Variants in EIF3D observed in about 807,000 individuals in gnomAD.
The protein encoded by EIF3D is eIF3 p66.
A neutral mutation model predicts 75.4 loss-of-function variants in EIF3D; 10 were observed. The observed-to-expected ratio is 0.13, with a 90% CI of 0.08 to 0.22. The LOEUF (loss-of-function observed/expected upper bound fraction) is 0.22. Among genes scored for constraint, EIF3D ranks in the 10% least tolerant of loss-of-function variants. The pLI is 1.00. For missense variants in EIF3D, 394 were observed against 708.0 expected, an observed-to-expected ratio of 0.56 and a Z score of 5.03; for synonymous variants, 246 against 248.3, an observed-to-expected ratio of 0.99 and a Z score of 0.09.
chr22:36,516,645 T>C, intron 11 of EIF3D, 38 bp from the exon 12 acceptor site: 1 of 1,613,916 alleles, frequency 6.2e-7, no homozygotes, highest in Admixed American at 1.7e-5. Context: ...CACTGGGGAT[T>C]CTATAGAGTG....
At chr22:36,525,534 A>G in intron 3 of EIF3D, 130 bp downstream of exon 3, 1 of 1,051,622 alleles carries the variant, frequency 9.5e-7, no homozygotes, top group Non-Finnish European at 1.4e-6. Flanking sequence ...CCCAGAATAC[A>G]TCCCTAAAAG....
At chr22:36,519,329 G>T in intron 8 of EIF3D, 76 bp downstream of exon 8, 1 of 1,589,830 alleles carries the variant, frequency 6.3e-7, no homozygotes. Flanking sequence ...CATGTCTTCT[G>T]TTCTTTCTGC....
chr22:36,512,956 C>T (rs1178010028), intron 12 of EIF3D: 2 of 180,258 alleles, frequency 1.1e-5, no homozygotes, highest in East Asian at 1.6e-4. Flanking sequence ...TCACAGAGGA[C>T]GTGTAACAGT....
Position 36,511,748 on chromosome 22 carries a change from T to C in EIF3D, c.1388A>G (p.His463Arg). 6.2e-7 allele frequency: 1 copy of C among 1,614,014 alleles called. No individual in the cohort carries two copies. Among genetic ancestry groups the C allele is most frequent in the Non-Finnish European group, 8.5e-7 (1 of 1,179,972 alleles). The change falls in exon 14 of 15, where the codon CAC becomes CGC. Residue 463 changes from histidine (H) to arginine (R), a missense_variant. Coordinates refer to ENST00000216190, the MANE Select transcript of EIF3D (RefSeq NM_003753.4). ...SRYHVKDSSRHVILGTQQFKP... is the reference protein window; with the variant it reads ...SRYHVKDSSRRVILGTQQFKP... ...GAACTGCTGGGTGCCTAGGATGACG[T>C]GGCGTGAGGAGTCTTTCACGTGGTA...
At position 36,511,504 on chromosome 22, in the gene EIF3D, T is replaced by TTCTTCTTCC. The variant is rs1287363329; in HGVS notation, c.1623_1631dup (p.Glu544_Glu546dup). 6.2e-7 allele frequency: 1 copy of TTCTTCTTCC among 1,613,766 alleles called. No individual in the cohort carries two copies. The highest frequency in any genetic ancestry group is 1.3e-5 in the African/African-American group (1 of 74,912). ...CTCAGAAAGTGGGCTGCTACACACC[T>TTCTTCTTCC]TCTTCTTCCTCTTCTTCCTCCTCCT... On this transcript the variant is annotated inframe_insertion and splice_region_variant, in exon 14 of 15. Coordinates refer to ENST00000216190, the MANE Select transcript of EIF3D (RefSeq NM_003753.4).
chr22:36,511,680 T>C lies in EIF3D; in HGVS notation c.1456A>G (p.Asn486Asp). 6.2e-7 allele frequency: 1 copy of C among 1,614,068 alleles called. No individual in the cohort carries two copies. Among genetic ancestry groups the C allele is most frequent in the Non-Finnish European group, 8.5e-7 (1 of 1,180,016 alleles). ...FASQINLSVE[N>D]AWGILRCVID... is the part of the protein sequence containing the mutation. ...ACGCAGCGTAAAATGCCCCAGGCAT[T>C]CTCCACGCTCAGGTTGATCTGGCTG... The change falls in exon 14 of 15, where the codon AAT becomes GAT. Residue 486 changes from asparagine to aspartate, a missense_variant. By Grantham distance (23) the Asn-to-Asp change is conservative. Coordinates refer to ENST00000216190, the MANE Select transcript of EIF3D (RefSeq NM_003753.4).
At chr22:36,511,232 C>A in intron 14 of EIF3D, 1 of 803,930 alleles carries the variant, frequency 1.2e-6, no homozygotes, top group Non-Finnish European at 1.9e-6. Flanking sequence ...TCCCTCTAGA[C>A]CACCGGCTTC....
At position 36,511,862 on chromosome 22, in the gene EIF3D, A is replaced by C. The variant is rs562249373; in HGVS notation, c.1350-76T>G. ...CAACACTTGGGATCAAATGTCAATT[A>C]AATGGTGATACCTGGTCCACTGCTA... On this transcript the variant is annotated intron_variant, in intron 13 of 14. Transcript: ENST00000216190. 1.3e-5 allele frequency: 20 copies of C among 1,560,494 alleles called. No homozygotes were observed. In the African/African-American group the frequency reaches 2.5e-4, roughly 19 times the overall value.
rs111361582 is a variant in EIF3D, at chr22:36,524,883, A to C, written c.170-151T>G. ...ACACACAGACTCACAGTCCCACCCC[A>C]TACCCACTGAATCAGAACCAGCATT... On this transcript the variant is annotated intron_variant, in intron 3 of 14. Transcript: ENST00000216190. 6.5e-4 allele frequency: 590 copies of C among 901,546 alleles called. 3 individuals carry two copies. The African/African-American group carries it at 8.9e-3, about 14-fold the overall frequency. The allele number at this position is 901,546 out of a possible 1,614,324, so 55.8% of individuals were successfully genotyped here.
chr22:36,524,590 G>C lies in EIF3D; in HGVS notation c.306+6C>G. 6.2e-7 allele frequency: 1 copy of C among 1,614,090 alleles called. No individual in the cohort carries two copies. The highest frequency in any genetic ancestry group is 8.5e-7 in the Non-Finnish European group (1 of 1,180,008). The stretch of plus-strand genomic sequence containing the variant: ...AAGATGGTGTGGTTGCTGGCTCTTG[G>C]CCTACCTGGGCAAATCTCATTCGAT... On this transcript the variant is annotated splice_donor_region_variant and intron_variant, in intron 4 of 14. Transcript: ENST00000216190.
intron 12 of EIF3D, among the ~76,000 whole-genome samples, chr22:36,513,903 G>C (rs1229659049): frequency 6.6e-6 from 1 of 152,226 alleles, no homozygotes; most frequent in African/African-American, 2.4e-5. Context: ...TGCTGATGAA[G>C]CGTGTATTGG....
chr22:36,511,007 GAC>G lies in EIF3D; in HGVS notation c.1634-9_1634-8del. On this transcript the variant is annotated splice_polypyrimidine_tract_variant and splice_region_variant and intron_variant, in intron 14 of 14. Coordinates refer to ENST00000216190, the MANE Select transcript of EIF3D (RefSeq NM_003753.4). The stretch of plus-strand genomic sequence containing the variant: ...CTGGTTTAAGTTTCTTCCTCTGAAA[GAC>G]ACAAAAAATGTAAGAGAAATGAGCC... The G allele has an allele frequency of 6.2e-7, 1 of 1,607,224 alleles. No homozygotes were observed. Among genetic ancestry groups the G allele is most frequent in the Non-Finnish European group, 8.5e-7 (1 of 1,178,004 alleles).
chr22:36,526,910 A>C (rs1327444850), intron 1 of EIF3D: 1 of 152,264 alleles, frequency 6.6e-6, no homozygotes, highest in Non-Finnish European at 1.5e-5. Flanking sequence ...TTCCATCTGC[A>C]AAATAAACAA....
rs943757439 is a variant in EIF3D at position 36,510,955 on chromosome 22, G to C, written c.*32C>G. On this transcript the variant is annotated 3_prime_UTR_variant, in exon 15 of 15. Transcript: ENST00000216190. The stretch of plus-strand genomic sequence containing the variant: ...CATCAAAGGCCCTCGTAGTCTCGGT[G>C]GAAGGACAAACTCCAGCTCCACATC... The C allele has an allele frequency of 9.4e-6, 15 of 1,596,074 alleles. No homozygotes were observed. The highest frequency in any genetic ancestry group is 1.2e-5 in the Non-Finnish European group (14 of 1,173,806).
Position 36,516,685 on chromosome 22 carries a change from C to T in EIF3D, c.1076+20G>A, listed in dbSNP as rs1603498816. 6.2e-7 allele frequency: 1 copy of T among 1,614,126 alleles called. No individual in the cohort carries two copies. On this transcript the variant is annotated intron_variant, in intron 11 of 14. Coordinates refer to ENST00000216190, the MANE Select transcript of EIF3D (RefSeq NM_003753.4). The stretch of plus-strand genomic sequence containing the variant: ...CCGTGCTCCAGTCTGGCCACAATAC[C>T]CACCAGAGAGGTGACCTACCGGTAC...
In EIF3D at chr22:36,529,083, G is replaced by A; in HGVS notation, c.-18C>T. 1 of 391,964 alleles carries A rather than the reference G, an allele frequency of 2.6e-6. No homozygotes were observed. 24.3% of individuals were successfully genotyped at this position (391,964 alleles called of 1,614,324 possible). A position where few individuals can be genotyped will look rare whatever the true frequency, so the allele number is the denominator to read the frequency against. ...ATGAAACACGCCGCTCACCTGCAAT[G>A]GCCTCGGCCGGCCGGGATGGCAACA... On this transcript the variant is annotated 5_prime_UTR_variant, in exon 1 of 15. Transcript: ENST00000216190.
intron 3 of EIF3D, among the ~76,000 whole-genome samples, chr22:36,525,239 CTTTTTT>C (rs10709824): frequency 5.3e-5 from 5 of 93,940 alleles, no homozygotes; most frequent in African/African-American, 1.4e-4. Context: ...AGGGGTTTTA[CTTTTTT>C]TTTTTTTTTT....
At position 36,523,289 on chromosome 22, in the gene EIF3D, G is replaced by C; in HGVS notation, c.393-8C>G. The C allele has an allele frequency of 6.2e-7, 1 of 1,611,624 alleles. No individual in the cohort carries two copies. On this transcript the variant is annotated splice_region_variant and splice_polypyrimidine_tract_variant and intron_variant, in intron 5 of 14. Coordinates refer to ENST00000216190, the MANE Select transcript of EIF3D (RefSeq NM_003753.4). ...TGCAGTCGAATGCGTTCTCTGGAAA[G>C]ACAGACATATGATCTCAGTGCAGAC...
At chr22:36,514,337 G>T (rs1227954794) in intron 12 of EIF3D, among the ~76,000 whole-genome samples, 1 of 149,608 alleles carries the variant, frequency 6.7e-6, no homozygotes, top group Non-Finnish European at 1.5e-5. Context: ...AGTGACCCTT[G>T]CCCTTGCAGA....
Sources: allele counts gnomAD v4.1 joint callset (sites outside exome capture counted in the v4.1 genomes callset), GRCh38; gene constraint gnomAD v4.1.1; transcripts MANE v1.5; gene names NCBI Gene and HGNC (gene_info 2026-07-23, HGNC 2026-07-21).